ARHGAP21: variants seen among roughly 807,000 people sequenced by gnomAD.
The protein encoded by ARHGAP21 is rho GTPase-activating protein 21.
In ARHGAP21, 38 loss-of-function variants were observed where a neutral mutation model predicts 164.6. The observed-to-expected ratio is 0.23, with a 90% CI of 0.18 to 0.30. The LOEUF (loss-of-function observed/expected upper bound fraction) is 0.30. Among genes scored for constraint, ARHGAP21 ranks in the 10% least tolerant of loss-of-function variants. The pLI is 1.00. For missense variants in ARHGAP21, 1,822 were observed against 2,370.7 expected (o/e 0.77, Z 4.81); for synonymous variants, 766 against 857.9 (o/e 0.89, Z 1.87).
intron 4 of ARHGAP21, among the ~76,000 whole-genome samples, chr10:24,644,420 C>T (rs1324600291): frequency 6.6e-6 from 1 of 152,116 alleles, no homozygotes; most frequent in Admixed American, 6.5e-5. Flanking sequence ...TAACAAATAC[C>T]TCCTTGGGGG....
intron 4 of ARHGAP21, among the ~76,000 whole-genome samples, chr10:24,656,165 G>A (rs1838855983): frequency 7.0e-6 from 1 of 142,110 alleles, no homozygotes; most frequent in Non-Finnish European, 1.5e-5. Flanking sequence ...AGGGAGGTGG[G>A]GGGGGTCAGC....
rs375505844 is a variant in ARHGAP21 at position 24,585,258 on chromosome 10, G to A, written c.5031C>T (p.Thr1677=). The change falls in exon 26 of 26, where the codon ACC becomes ACT. Residue 1677 remains threonine (T), a synonymous_variant. Transcript: ENST00000396432. ...RNSEGSELSC[T]EGSLTSSLDS... is the part of the protein sequence containing the mutation. ...CTAAACTTGATGTTAAACTTCCCTC[G>A]GTGCAACTTAATTCACTTCCTTCAG... 1.9e-5 allele frequency: 31 copies of A among 1,605,820 alleles called. No individual in the cohort carries two copies. The East Asian group carries it at 2.2e-4, about 12-fold the overall frequency.
intron 2 of ARHGAP21, among the ~76,000 whole-genome samples, chr10:24,694,370 G>C (rs11014202): frequency 1.3e-5 from 2 of 152,210 alleles, no homozygotes; most frequent in African/African-American, 4.8e-5. Flanking sequence ...ATTTCAAGAC[G>C]GTTCCCGTCA....
intron 4 of ARHGAP21, among the ~76,000 whole-genome samples, chr10:24,660,910 A>T (rs1368730123): frequency 6.6e-6 from 1 of 152,022 alleles, no homozygotes; most frequent in Non-Finnish European, 1.5e-5. Flanking sequence ...TAAATATCGG[A>T]TGTTCTGCTC....
chr10:24,635,040 CCTCCTTCTTTAA>C lies in ARHGAP21; in HGVS notation c.320_331del (p.Val107_Gly110del). 1 of 1,599,620 alleles carries C rather than the reference CCTCCTTCTTTAA, an allele frequency of 6.3e-7. No homozygotes were observed. The highest frequency in any genetic ancestry group is 8.5e-7 in the Non-Finnish European group (1 of 1,174,378). ...ACATAATCCAGCTTCAAAAGCAGGTCCTCCTTCTTTAACTTGCTTAACAAATATGGTATCCAT... is the reference window on the plus strand; with the variant it reads ...ACATAATCCAGCTTCAAAAGCAGGTCCTTGCTTAACAAATATGGTATCCAT... On this transcript the variant is annotated inframe_deletion, in exon 5 of 26. Transcript: ENST00000396432.
chr10:24,685,734 G>A lies in ARHGAP21; in HGVS notation c.64-15337C>T, dbSNP rs1842154637. ...CTACTAGAAATACAAAAATTTGTCA[G>A]GCATGGTGGCAGACGCCAGTAATCC... On this transcript the variant is annotated intron_variant, in intron 2 of 25. Coordinates refer to ENST00000396432, the MANE Select transcript of ARHGAP21 (RefSeq NM_020824.4). 2.0e-5 allele frequency among the ~76,000 whole-genome samples: 3 copies of A among 152,096 alleles called. No individual in the cohort carries two copies. In the South Asian group the frequency reaches 6.2e-4, roughly 32 times the overall value.
At chr10:24,594,369 C>T (rs1364508365) in intron 21 of ARHGAP21, among the ~76,000 whole-genome samples, 3 of 152,154 alleles carry the variant, frequency 2.0e-5, no homozygotes, top group Middle Eastern at 3.4e-3. Flanking sequence ...AATGGGGCTG[C>T]GCATGGTGGC....
intron 21 of ARHGAP21, among the ~76,000 whole-genome samples, chr10:24,594,558 A>G (rs2076492271): frequency 6.6e-6 from 1 of 152,124 alleles, no homozygotes. Context: ...TTTGACAAAG[A>G]AAATGTGGTG....
chr10:24,675,125 T>C (rs900693502), intron 2 of ARHGAP21, among the ~76,000 whole-genome samples: 1 of 152,222 alleles, frequency 6.6e-6, no homozygotes, highest in African/African-American at 2.4e-5. Context: ...TACATAAATG[T>C]GCATAGCAAC....
At chr10:24,600,268 T>C (rs1200745499) in intron 14 of ARHGAP21, among the ~76,000 whole-genome samples, 1 of 152,150 alleles carries the variant, frequency 6.6e-6, no homozygotes, top group African/African-American at 2.4e-5. Context: ...AGTATCACTC[T>C]GCATTTATAT....
At chr10:24,654,818 C>T (rs1444692886) in intron 4 of ARHGAP21, among the ~76,000 whole-genome samples, 1 of 152,180 alleles carries the variant, frequency 6.6e-6, no homozygotes, top group African/African-American at 2.4e-5. Flanking sequence ...CCAAGACAAT[C>T]CTAAGCCAAA....
At chr10:24,685,769 A>G (rs1018872768) in intron 2 of ARHGAP21, among the ~76,000 whole-genome samples, 4 of 152,140 alleles carry the variant, frequency 2.6e-5, no homozygotes, top group African/African-American at 9.7e-5. Flanking sequence ...CCAGCTACTC[A>G]GGAGGCTGAG....
At chr10:24,646,231 C>A (rs746364697) in intron 4 of ARHGAP21, among the ~76,000 whole-genome samples, 4 of 152,080 alleles carry the variant, frequency 2.6e-5, no homozygotes, top group Non-Finnish European at 4.4e-5. Flanking sequence ...GAATCACGTA[C>A]TTTCAATGTA....
chr10:24,586,991 G>A (rs899208635), intron 25 of ARHGAP21, among the ~76,000 whole-genome samples: 5 of 152,132 alleles, frequency 3.3e-5, no homozygotes, highest in Admixed American at 2.0e-4. Flanking sequence ...CAGTGAGCAT[G>A]AGGGTACCAT....
Position 24,591,259 on chromosome 10 carries a change from A to C in ARHGAP21, c.4116T>G (p.Ile1372Met). ...CTCCTGGGGAGACTCCTGTCCTTCC[A>C]ATGTTGGTGAGTAAATGATCTATGT... ...VPNIDHLLTN[I>M]GRTGVSPGDV... Residue 1372 changes from isoleucine to methionine, a missense_variant, in exon 24 of 26, where the codon ATT becomes ATG. By Grantham distance (10) the Ile-to-Met change is conservative (BLOSUM62 1). This residue lies in a region of ARHGAP21 where 333 missense variants were observed against 383.9 expected (regional missense o/e 0.87). Coordinates refer to ENST00000396432, the MANE Select transcript of ARHGAP21 (RefSeq NM_020824.4). The C allele has an allele frequency of 6.2e-7, 1 of 1,612,556 alleles. No homozygotes were observed. Among genetic ancestry groups the C allele is most frequent in the South Asian group, 1.1e-5 (1 of 90,990 alleles).
chr10:24,714,777 G>A (rs1399266616), intron 2 of ARHGAP21, among the ~76,000 whole-genome samples: 1 of 152,142 alleles, frequency 6.6e-6, no homozygotes, highest in Non-Finnish European at 1.5e-5. Context: ...GTTCACGCCT[G>A]TAATCCTAGC....
intron 4 of ARHGAP21, among the ~76,000 whole-genome samples, chr10:24,662,468 A>T (rs1266795349): frequency 1.3e-5 from 2 of 152,150 alleles, no homozygotes; most frequent in East Asian, 3.9e-4. Flanking sequence ...ATTATCTCAT[A>T]CCTTACAGGG....
At position 24,619,503 on chromosome 10, in the gene ARHGAP21, C is replaced by T; in HGVS notation, c.2392G>A (p.Gly798Ser). 6.2e-7 allele frequency: 1 copy of T among 1,613,994 alleles called. No homozygotes were observed. The highest frequency in any genetic ancestry group is 2.2e-5 in the East Asian group (1 of 44,874). The change falls in exon 9 of 26, where the codon GGC (glycine) becomes AGC (serine). Residue 798 changes from glycine (G) to serine (S), a missense_variant. Transcript: ENST00000396432. The part of the protein sequence containing the change: ...ERKASSTSPP[G>S]DSLASIPFID... ...AATGGGATGGAAGCCAAAGAATCGC[C>T]AGGCGGACTGGTACTCGAGGCTTTT...
chr10:24,616,826 G>T (rs896878563), intron 9 of ARHGAP21, among the ~76,000 whole-genome samples: 1 of 152,196 alleles, frequency 6.6e-6, no homozygotes, highest in African/African-American at 2.4e-5. Context: ...ACTTATAAAA[G>T]AAGTTGAAAT....
Sources: gnomAD v4.1 joint callset for allele counts (sites outside exome capture counted in the v4.1 genomes callset) on GRCh38, gnomAD v4.1.1 for gene constraint, gnomAD v4.1.1 regional missense constraint, MANE v1.5 for transcripts, NCBI Gene and HGNC (gene_info 2026-07-23, HGNC 2026-07-21) for gene names.